The following AK4 variants were observed in gnomAD, a reference collection of about 807,000 sequenced individuals.
AK4 encodes the protein adenylate kinase 4.
Under a neutral mutation model 24.6 loss-of-function variants are expected in AK4, and 13 were observed. The observed-to-expected ratio is 0.53, with a 90% CI of 0.34 to 0.84. The LOEUF (loss-of-function observed/expected upper bound fraction) is 0.84, where lower values mean the gene tolerates loss of function less well. Ranked by LOEUF, AK4 falls within the 40% of genes least tolerant of loss-of-function variation. The pLI, the probability that AK4 is intolerant of heterozygous loss-of-function variation, is 0.01. For missense variants in AK4, 192 were observed against 288.2 expected (o/e 0.67, Z 2.42); for synonymous variants, 88 against 107.0 (o/e 0.82, Z 1.10).
intron 1 of AK4, among the ~76,000 whole-genome samples, chr1:65,151,145 G>T (rs572947450): frequency 6.6e-6 from 1 of 152,128 alleles, no homozygotes; most frequent in East Asian, 1.9e-4. Flanking sequence ...GTAGAGATAG[G>T]GTTTCACCAT....
In AK4 at chr1:65,166,969, T is replaced by TA. The variant is rs546401742; in HGVS notation, c.145+18422dup. On this transcript the variant is annotated intron_variant, in intron 1 of 4. Coordinates refer to ENST00000327299, the MANE Select transcript of AK4 (RefSeq NM_013410.4). ...CAACATGGTGAAACCCTGTCTCTAC[T>TA]AAAAATACAAAGATTAGCTAGGTGT... Among the ~76,000 whole-genome samples the TA allele has an allele frequency of 2.0e-5, 3 of 152,170 alleles. No homozygotes were observed. In the South Asian group the frequency reaches 6.2e-4, roughly 32 times the overall value.
intron 1 of AK4, among the ~76,000 whole-genome samples, chr1:65,150,406 CT>C (rs992766135): frequency 2.7e-5 from 4 of 149,806 alleles, no homozygotes; most frequent in Non-Finnish European, 5.9e-5. Flanking sequence ...TTTAGATTTT[CT>C]TTTTTCTGTT....
At chr1:65,195,777 T>A (rs1197309598) in intron 2 of AK4, among the ~76,000 whole-genome samples, 1 of 152,224 alleles carries the variant, frequency 6.6e-6, no homozygotes, top group Non-Finnish European at 1.5e-5. Flanking sequence ...TTGTGACTAG[T>A]GTACAGGTCC....
intron 1 of AK4, among the ~76,000 whole-genome samples, chr1:65,152,379 TATA>T (rs1649821048): frequency 1.3e-5 from 1 of 74,924 alleles, no homozygotes; most frequent in Non-Finnish European, 2.6e-5. Flanking sequence ...TATATATATA[TATA>T]TATTTTTTTT....
chr1:65,195,252 G>C (rs1478854441), intron 2 of AK4, among the ~76,000 whole-genome samples: 2 of 152,080 alleles, frequency 1.3e-5, no homozygotes, highest in African/African-American at 4.8e-5. Flanking sequence ...TGAGGGCAGA[G>C]CTCTCATGAC....
At position 65,217,103 on chromosome 1, in the gene AK4, G is replaced by A. The variant is rs80182539; in HGVS notation, c.266-1651G>A. Among the ~76,000 whole-genome samples, 1,264 of 152,314 alleles carry A rather than the reference G, an allele frequency of 8.3e-3. 14 individuals are homozygous for A. Among genetic ancestry groups the A allele is most frequent in the African/African-American group, 0.029 (1,201 of 41,566 alleles). ...GACAGTCATTGAGAGGGGACTTTAT[G>A]TGGATGGCTCACAGGCAGTAAGGAA... On this transcript the variant is annotated intron_variant, in intron 2 of 4. Transcript: ENST00000327299.
At chr1:65,188,757 C>T (rs1251545055) in intron 1 of AK4, among the ~76,000 whole-genome samples, 13 of 151,594 alleles carry the variant, frequency 8.6e-5, no homozygotes, top group Admixed American at 8.5e-4. Context: ...GGATTACAGG[C>T]GTGAGCCACC....
intron 2 of AK4, among the ~76,000 whole-genome samples, chr1:65,193,982 C>T (rs917093172): frequency 3.9e-5 from 6 of 152,170 alleles, no homozygotes; most frequent in Non-Finnish European, 7.3e-5. Context: ...ATCCCAGCTA[C>T]TTGGGAGCTG....
chr1:65,213,334 ACTGAAAAC>A (rs1197725992), intron 2 of AK4, among the ~76,000 whole-genome samples: 2 of 152,268 alleles, frequency 1.3e-5, no homozygotes, highest in Non-Finnish European at 2.9e-5. Context: ...AAAGGGGCAA[ACTGAAAAC>A]CAGTGGAAGG....
intron 1 of AK4, among the ~76,000 whole-genome samples, chr1:65,183,156 A>G (rs527925480): frequency 6.6e-6 from 1 of 152,344 alleles, no homozygotes; most frequent in Admixed American, 6.5e-5. Context: ...ATATTGTCAG[A>G]GGGAACAGTG....
intron 2 of AK4, among the ~76,000 whole-genome samples, chr1:65,206,627 T>C (rs1651821115): frequency 6.6e-6 from 1 of 152,156 alleles, no homozygotes; most frequent in Non-Finnish European, 1.5e-5. Context: ...AAAACCAATG[T>C]CCAGGTGTGG....
intron 1 of AK4, among the ~76,000 whole-genome samples, chr1:65,161,320 A>C (rs942219660): frequency 1.3e-5 from 2 of 152,082 alleles, no homozygotes; most frequent in African/African-American, 4.8e-5. Flanking sequence ...GGAGGCGTGC[A>C]AAAAAGTAAA....
intron 1 of AK4, among the ~76,000 whole-genome samples, chr1:65,170,292 C>T (rs1246433047): frequency 2.0e-5 from 3 of 152,098 alleles, no homozygotes; most frequent in Admixed American, 6.5e-5. Context: ...GGCGTGAACC[C>T]GGGAGACGGA....
At chr1:65,169,848 A>G (rs182941025) in intron 1 of AK4, among the ~76,000 whole-genome samples, 2 of 152,128 alleles carry the variant, frequency 1.3e-5, no homozygotes, top group African/African-American at 4.8e-5. Context: ...GTATTGCATT[A>G]AAGTATTATT....
intron 2 of AK4, among the ~76,000 whole-genome samples, chr1:65,218,402 A>C (rs531025065): frequency 3.1e-4 from 47 of 152,322 alleles, no homozygotes; most frequent in Admixed American, 2.2e-3. Flanking sequence ...CGCATTTTAA[A>C]TTTTTATCAT....
At chr1:65,222,968 G>A (rs78418556) in intron 3 of AK4, among the ~76,000 whole-genome samples, 2,662 of 151,898 alleles carry the variant, frequency 0.018, 75 homozygotes, top group African/African-American at 0.061. Flanking sequence ...TTCCTGGGGA[G>A]ATTAAAACAA....
At chr1:65,170,148 G>T (rs895243056) in intron 1 of AK4, among the ~76,000 whole-genome samples, 2 of 152,036 alleles carry the variant, frequency 1.3e-5, no homozygotes, top group African/African-American at 4.8e-5. Flanking sequence ...AGGCGGAGGC[G>T]GGCGGATCAC....
chr1:65,159,443 G>A (rs990136479), intron 1 of AK4, among the ~76,000 whole-genome samples: 1 of 151,290 alleles, frequency 6.6e-6, no homozygotes. Context: ...GATCACTTGA[G>A]CCCAGGAGTT....
chr1:65,167,101 C>T (rs1177797871), intron 1 of AK4, among the ~76,000 whole-genome samples: 1 of 152,160 alleles, frequency 6.6e-6, no homozygotes, highest in Non-Finnish European at 1.5e-5. Flanking sequence ...CACTGCACCT[C>T]CAGCCTGGGT....
Sources: allele counts gnomAD v4.1 joint callset (sites outside exome capture counted in the v4.1 genomes callset), GRCh38; gene constraint gnomAD v4.1.1; transcripts MANE v1.5; gene names NCBI Gene and HGNC (gene_info 2026-07-23, HGNC 2026-07-21).